NFKBIE: variants seen among roughly 807,000 people sequenced by gnomAD.
NFKBIE encodes the protein NFKB inhibitor epsilon, also known as NF-kappa-B inhibitor epsilon.
A neutral mutation model predicts 31.6 loss-of-function variants in NFKBIE; 11 were observed. That is an observed-to-expected ratio of 0.35 (90% confidence interval 0.22 to 0.58). NFKBIE has a LOEUF of 0.58. Ranked by LOEUF, NFKBIE falls within the 20% of genes least tolerant of loss-of-function variation. The probability of loss-of-function intolerance (pLI) is 0.83; values close to 1 mark genes in which losing one functional copy is unlikely to be tolerated. For missense variants in NFKBIE, 354 were observed against 465.7 expected (o/e 0.76, Z 2.21); for synonymous variants, 208 against 210.1 (o/e 0.99, Z 0.09).
Position 44,259,239 on chromosome 6 carries a change from G to A in NFKBIE, c.1066C>T (p.Leu356=), listed in dbSNP as rs1273474828. The part of the protein sequence containing the change: ...PFDDLKISGK[L]LLCTD Reference sequence around the variant, plus strand: ...TGGCTTCAGTCGGTACACAGCAGCAGTTTCCCTGAGATCTTCAGGTCATCA... The same window carrying A: ...TGGCTTCAGTCGGTACACAGCAGCAATTTCCCTGAGATCTTCAGGTCATCA... The change falls in exon 6 of 6, where the codon CTG becomes TTG. Residue 356 remains leucine (L), a synonymous_variant. Transcript: ENST00000619360. The A allele has an allele frequency of 1.2e-6, 2 of 1,613,712 alleles. No individual in the cohort carries two copies. The highest frequency in any genetic ancestry group is 3.3e-5 in the Admixed American group (2 of 60,000).
chr6:44,262,717 T>C (rs1361498613), intron 1 of NFKBIE, 55 bp from the exon 2 acceptor site: 13 of 1,416,776 alleles, frequency 9.2e-6, no homozygotes, highest in Admixed American at 1.7e-5. Flanking sequence ...AGGGAGTGGG[T>C]TGGGGTCTTG....
Position 44,265,075 on chromosome 6 carries a change from T to C in NFKBIE, c.272A>G (p.Glu91Gly). The C allele has an allele frequency of 6.4e-7, 1 of 1,563,666 alleles. No homozygotes were observed. The highest frequency in any genetic ancestry group is 1.2e-5 in the South Asian group (1 of 85,140). The change falls in exon 1 of 6, where the codon GAG becomes GGG. Residue 91 changes from glutamate to glycine, a missense_variant. Physicochemically the swap from Glu to Gly is moderately conservative, Grantham distance 98 (BLOSUM62 -2). Coordinates refer to ENST00000619360, the MANE Select transcript of NFKBIE (RefSeq NM_004556.3). ...GAGTGGCAGGCGTGGGGCCGGGTCC[T>C]CAGCCTCGGGGCCCCCCAGCAAGGA... ...TLSLLGGPEA[E>G]DPAPRLPLPH... is the part of the protein sequence containing the mutation.
chr6:44,258,606 A>G lies in NFKBIE; in HGVS notation c.*613T>C, dbSNP rs1781767873. On this transcript the variant is annotated 3_prime_UTR_variant, in exon 6 of 6. Coordinates refer to ENST00000619360, the MANE Select transcript of NFKBIE (RefSeq NM_004556.3). ...TTTCCTTCTCTCTGCCTCTACCACA[A>G]AGTCACAGGGCAGGCCTGTCTAAAA... is the stretch of plus-strand genomic sequence containing the variant. 1 of 152,490 alleles carries G rather than the reference A, an allele frequency of 6.6e-6. No individual in the cohort carries two copies. The highest frequency in any genetic ancestry group is 2.4e-5 in the African/African-American group (1 of 41,438). 9.4% of individuals were successfully genotyped at this position (152,490 alleles called of 1,614,324 possible). A position where few individuals can be genotyped will look rare whatever the true frequency, so the allele number is the denominator to read the frequency against.
chr6:44,259,592 G>C (rs543015118), intron 5 of NFKBIE, among the ~76,000 whole-genome samples: 6 of 151,578 alleles, frequency 4.0e-5, no homozygotes, highest in African/African-American at 1.5e-4. Flanking sequence ...GGGGTGGGGG[G>C]GCTGCTGGGT....
In NFKBIE at chr6:44,260,631, G is replaced by A; in HGVS notation, c.692-92C>T. Reference sequence around the variant, plus strand: ...ACCTCCCTACCACTCAGCCCCAAGGGACTCACAGCCCACTCAATGTCTCTA... The same window carrying A: ...ACCTCCCTACCACTCAGCCCCAAGGAACTCACAGCCCACTCAATGTCTCTA... On this transcript the variant is annotated intron_variant, in intron 3 of 5. Transcript: ENST00000619360. The surrounding 1 kb of genome is among the most constrained non-coding windows in gnomAD (Gnocchi z 5.5). 8.5e-7 allele frequency: 1 copy of A among 1,182,914 alleles called. No homozygotes were observed. The highest frequency in any genetic ancestry group is 1.3e-6 in the Non-Finnish European group (1 of 794,860). The allele number at this position is 1,182,914 out of a possible 1,614,324, so 73.3% of individuals were successfully genotyped here. A position where few individuals can be genotyped will look rare whatever the true frequency, so the allele number is the denominator to read the frequency against.
chr6:44,264,830 C>T (rs1782056878), intron 1 of NFKBIE, 152 bp downstream of exon 1: 3 of 892,376 alleles, frequency 3.4e-6, no homozygotes, highest in African/African-American at 1.7e-5. Flanking sequence ...CCTAGCTGGA[C>T]CTCAAAAGTG....
At chr6:44,264,216 G>A (rs1782030295) in intron 1 of NFKBIE, among the ~76,000 whole-genome samples, 1 of 152,080 alleles carries the variant, frequency 6.6e-6, no homozygotes, top group East Asian at 1.9e-4. Flanking sequence ...TCTTCCTGGG[G>A]GGCTAAATCC....
rs141537953 is a variant in NFKBIE at position 44,263,070 on chromosome 6, G to A, written c.366-408C>T. ...CCCCACCACCCCAGCACACAGGAAA[G>A]AAGGAGACAGTTGCAGGGTCACCCC... On this transcript the variant is annotated intron_variant, in intron 1 of 5. Coordinates refer to ENST00000619360, the MANE Select transcript of NFKBIE (RefSeq NM_004556.3). This position sits in a 1 kb window ranked among gnomAD's most constrained non-coding sequence, Gnocchi z 5.0. Among the ~76,000 whole-genome samples the A allele has an allele frequency of 3.5e-3, 537 of 152,322 alleles. 6 individuals are homozygous for A. The highest frequency in any genetic ancestry group is 0.012 in the African/African-American group (512 of 41,578).
Position 44,260,411 on chromosome 6 carries a change from G to C in NFKBIE, c.780+40C>G. 1.2e-6 allele frequency: 2 copies of C among 1,613,206 alleles called. No individual in the cohort carries two copies. Among genetic ancestry groups the C allele is most frequent in the Non-Finnish European group, 1.7e-6 (2 of 1,179,212 alleles). On this transcript the variant is annotated intron_variant, in intron 4 of 5. Transcript: ENST00000619360. This position sits in a 1 kb window ranked among gnomAD's most constrained non-coding sequence, Gnocchi z 5.5. ...GGACTTGGGGATGTGTCAGGTGGGG[G>C]CAGGCCCTGGGCCGGGCAGTGCTTT...
intron 1 of NFKBIE, 141 bp downstream of exon 1, chr6:44,264,841 G>A: frequency 1.1e-6 from 1 of 950,200 alleles, no homozygotes; most frequent in Non-Finnish European, 1.6e-6. Context: ...CTCAAAAGTG[G>A]GCTGAGAGTT....
rs759233641 is a variant in NFKBIE at position 44,265,043 on chromosome 6, C to A, written c.304G>T (p.Val102Leu). 10 of 1,584,558 alleles carry A rather than the reference C, an allele frequency of 6.3e-6. No homozygotes were observed. In the South Asian group the frequency reaches 1.2e-4, roughly 18 times the overall value. Reference protein sequence around the residue: ...DPAPRLPLPHVGALSPQQLEA... With the variant: ...DPAPRLPLPHLGALSPQQLEA... ...AGCTGCTGAGGGCTCAGCGCCCCCA[C>A]GTGGGGGAGTGGCAGGCGTGGGGCC... Residue 102 changes from valine (V) to leucine (L), a missense_variant, in exon 1 of 6, where the codon GTG becomes TTG. Val to Leu is a conservative substitution (Grantham distance 32, BLOSUM62 1). Transcript: ENST00000619360.
chr6:44,264,908 G>T lies in NFKBIE; in HGVS notation c.365+74C>A, dbSNP rs1561914541. ...TTGAAGGATCTTCACGGGGGAGTGG[G>T]GGTGCCCGACCTGTTGCGGCTCTTG... On this transcript the variant is annotated intron_variant, in intron 1 of 5. Coordinates refer to ENST00000619360, the MANE Select transcript of NFKBIE (RefSeq NM_004556.3). 2.7e-6 allele frequency: 4 copies of T among 1,480,514 alleles called. No homozygotes were observed. In the East Asian group the frequency reaches 7.4e-5, roughly 27 times the overall value. The allele number at this position is 1,480,514 out of a possible 1,614,324, so 91.7% of individuals were successfully genotyped here. A position where few individuals can be genotyped will look rare whatever the true frequency, so the allele number is the denominator to read the frequency against.
Position 44,261,399 on chromosome 6 carries a change from G to C in NFKBIE, c.691+227C>G, listed in dbSNP as rs1781915533. Among the ~76,000 whole-genome samples the C allele has an allele frequency of 6.6e-6, 1 of 152,190 alleles. No individual in the cohort carries two copies. Among genetic ancestry groups the C allele is most frequent in the Non-Finnish European group, 1.5e-5 (1 of 68,038 alleles). Reference sequence around the variant, plus strand: ...ATCTCTATTAAACTAAGTATCTTAAGGGCAAGATTTAGTTTTCTTCTCAGC... The same window carrying C: ...ATCTCTATTAAACTAAGTATCTTAACGGCAAGATTTAGTTTTCTTCTCAGC... On this transcript the variant is annotated intron_variant, in intron 3 of 5. Coordinates refer to ENST00000619360, the MANE Select transcript of NFKBIE (RefSeq NM_004556.3). The surrounding 1 kb of genome is among the most constrained non-coding windows in gnomAD (Gnocchi z 4.3).
chr6:44,265,315 G>T lies in NFKBIE; in HGVS notation c.32C>A (p.Ala11Glu). The change falls in exon 1 of 6, where the codon GCG becomes GAG. Residue 11 changes from alanine (A) to glutamate (E), a missense_variant. Physicochemically the swap from Ala to Glu is moderately radical, Grantham distance 107. Coordinates refer to ENST00000619360, the MANE Select transcript of NFKBIE (RefSeq NM_004556.3). ...GCCAGAGTCGTACTGGCTCTCCTCCGCCTCGTCCGGCCCCTTCCGCGCCTC... is the reference window on the plus strand; with the variant it reads ...GCCAGAGTCGTACTGGCTCTCCTCCTCCTCGTCCGGCCCCTTCCGCGCCTC... MSEARKGPDE[A>E]EESQYDSGIE... 1 of 1,547,194 alleles carries T rather than the reference G, an allele frequency of 6.5e-7. No individual in the cohort carries two copies. The highest frequency in any genetic ancestry group is 8.7e-7 in the Non-Finnish European group (1 of 1,149,650).
In NFKBIE at chr6:44,265,551, T is replaced by C. The variant is rs767453299; in HGVS notation, c.-205A>G. 1 of 1,577,142 alleles carries C rather than the reference T, an allele frequency of 6.3e-7. No homozygotes were observed. On this transcript the variant is annotated 5_prime_UTR_variant, in exon 1 of 6. Coordinates refer to ENST00000619360, the MANE Select transcript of NFKBIE (RefSeq NM_004556.3). ...CTGGCCAGGTCCACCCAGCGGTTACTGTGGGCAGCCGAACCGCCCAAGCGG... is the reference window on the plus strand; with the variant it reads ...CTGGCCAGGTCCACCCAGCGGTTACCGTGGGCAGCCGAACCGCCCAAGCGG...
At chr6:44,262,779 A>G in intron 1 of NFKBIE, 117 bp from the exon 2 acceptor site, 2 of 710,732 alleles carry the variant, frequency 2.8e-6, no homozygotes, top group Non-Finnish European at 4.9e-6. Flanking sequence ...GGGTAGGTCC[A>G]GGAAGTGAGA....
In NFKBIE at chr6:44,261,564, C is replaced by G; in HGVS notation, c.691+62G>C. ...CCCTCCCTTCCCCAAGAGTGAGGTC[C>G]CTATCTCCTATGCCCTCCTCATCCC... On this transcript the variant is annotated intron_variant, in intron 3 of 5. Transcript: ENST00000619360. The surrounding 1 kb of genome is among the most constrained non-coding windows in gnomAD (Gnocchi z 4.3). 3 of 1,554,546 alleles carry G rather than the reference C, an allele frequency of 1.9e-6. No homozygotes were observed. The highest frequency in any genetic ancestry group is 2.6e-6 in the Non-Finnish European group (3 of 1,133,206).
Position 44,259,094 on chromosome 6 carries a change from G to C in NFKBIE, c.*125C>G. ...TCAGGACTGTACTGGCTGGCCCCAG[G>C]CTCTGGCCACAGCAGTCCCTAGGGC... On this transcript the variant is annotated 3_prime_UTR_variant, in exon 6 of 6. Coordinates refer to ENST00000619360, the MANE Select transcript of NFKBIE (RefSeq NM_004556.3). The C allele has an allele frequency of 1.0e-6, 1 of 965,960 alleles. No individual in the cohort carries two copies. The highest frequency in any genetic ancestry group is 1.6e-6 in the Non-Finnish European group (1 of 615,516). The allele number at this position is 965,960 out of a possible 1,614,324, so 59.8% of individuals were successfully genotyped here.
rs1028116091 is a variant in NFKBIE at position 44,263,464 on chromosome 6, G to A, written c.366-802C>T. Among the ~76,000 whole-genome samples the A allele has an allele frequency of 6.6e-6, 1 of 152,044 alleles. No homozygotes were observed. The highest frequency in any genetic ancestry group is 1.5e-5 in the Non-Finnish European group (1 of 67,988). The stretch of plus-strand genomic sequence containing the variant: ...CAGCTGCCTTGGGGCATTAGTGAGG[G>A]GGGTAGATTGGCTAAAAGGCCCGTC... On this transcript the variant is annotated intron_variant, in intron 1 of 5. Transcript: ENST00000619360. The surrounding 1 kb of genome is among the most constrained non-coding windows in gnomAD (Gnocchi z 5.0).
Sources: gnomAD v4.1 joint callset for allele counts (sites outside exome capture counted in the v4.1 genomes callset) on GRCh38, gnomAD v4.1.1 for gene constraint, Gnocchi (gnomAD v3.1) non-coding constraint, MANE v1.5 for transcripts, NCBI Gene and HGNC (gene_info 2026-07-23, HGNC 2026-07-21) for gene names.